The following IPO11 variants were observed in gnomAD, a reference collection of about 807,000 sequenced individuals.
IPO11 encodes importin 11.
IPO11 carries 66 observed loss-of-function variants against 143.2 expected under a neutral mutation model. That is an observed-to-expected ratio of 0.46 (90% CI 0.38 to 0.57). IPO11 has a LOEUF of 0.57. Among genes scored for constraint, IPO11 ranks in the 20% least tolerant of loss-of-function variants. IPO11 has a pLI of 0.00. For synonymous variants in IPO11, 385 were observed against 377.8 expected, an observed-to-expected ratio of 1.02 and a Z score of -0.22; for missense variants, 1,026 against 1,141.0, an observed-to-expected ratio of 0.90 and a Z score of 1.45.
chr5:62,627,102 G>A, intron 29 of IPO11, 52 bp from the exon 30 acceptor site: 1 of 1,521,070 alleles, frequency 6.6e-7, no homozygotes, highest in East Asian at 2.3e-5. Context: ...TTGCAGGTAG[G>A]AGAGACTTGT....
intron 9 of IPO11, among the ~76,000 whole-genome samples, chr5:62,476,954 G>A (rs1424455069): frequency 6.6e-6 from 1 of 152,160 alleles, no homozygotes; most frequent in African/African-American, 2.4e-5. Flanking sequence ...ATGTGTCATA[G>A]TGTAAGTCAC....
At chr5:62,596,181 A>G (rs1265274868) in intron 28 of IPO11, among the ~76,000 whole-genome samples, 2 of 146,772 alleles carry the variant, frequency 1.4e-5, no homozygotes, top group African/African-American at 5.1e-5. Context: ...AGGTGGGAAG[A>G]TTGCTTGAGC....
chr5:62,605,096 G>C (rs896418739), intron 29 of IPO11, among the ~76,000 whole-genome samples: 13 of 152,070 alleles, frequency 8.5e-5, no homozygotes, highest in African/African-American at 2.9e-4. Context: ...ATTAGCAAAG[G>C]CTTTTCTCAT....
intron 27 of IPO11, among the ~76,000 whole-genome samples, chr5:62,578,311 A>G (rs1455241329): frequency 6.6e-6 from 1 of 152,208 alleles, no homozygotes; most frequent in East Asian, 1.9e-4. Context: ...ATAATATAAC[A>G]ACATTTATGT....
chr5:62,428,671 A>T (rs1203341641), intron 1 of IPO11, among the ~76,000 whole-genome samples: 13 of 148,172 alleles, frequency 8.8e-5, no homozygotes, highest in Non-Finnish European at 1.5e-5. Context: ...GATTGAAAAC[A>T]TTTTTTTTTT....
At chr5:62,535,881 T>C (rs1026089905) in intron 22 of IPO11, among the ~76,000 whole-genome samples, 1 of 152,162 alleles carries the variant, frequency 6.6e-6, no homozygotes, top group South Asian at 2.1e-4. Flanking sequence ...ATCGATGATA[T>C]TTTGGGGTCA....
At chr5:62,597,759 C>T (rs1481284953) in intron 28 of IPO11, among the ~76,000 whole-genome samples, 4 of 152,146 alleles carry the variant, frequency 2.6e-5, no homozygotes, top group Non-Finnish European at 4.4e-5. Flanking sequence ...AGTTGTCATG[C>T]CCTGAGCCCA....
chr5:62,600,583 T>A (rs1745470804), intron 28 of IPO11, among the ~76,000 whole-genome samples: 2 of 152,222 alleles, frequency 1.3e-5, no homozygotes, highest in South Asian at 4.1e-4. Context: ...TAGACCTTTT[T>A]AAGACACTTC....
rs1226593063 is a variant in IPO11 at position 62,439,284 on chromosome 5, GTTTTTTTT to G, written c.138+1883_138+1890del. On this transcript the variant is annotated intron_variant, in intron 2 of 29. Coordinates refer to ENST00000325324, the MANE Select transcript of IPO11 (RefSeq NM_016338.5). ...CTTATTAATAATACTAACTGCGTAG[GTTTTTTTT>G]TTTTTTTTTTTTTTTGAGACGTCTC... Among the ~76,000 whole-genome samples the G allele has an allele frequency of 5.5e-5, 5 of 90,940 alleles. No homozygotes were observed. In the East Asian group the frequency reaches 1.3e-3, roughly 24 times the overall value. 59.7% of individuals were successfully genotyped at this position (90,940 alleles called of 152,430 possible).
At chr5:62,443,722 A>G (rs549599104) in intron 3 of IPO11, among the ~76,000 whole-genome samples, 8 of 152,188 alleles carry the variant, frequency 5.3e-5, no homozygotes, top group African/African-American at 1.9e-4. Context: ...TTCTTTCTCT[A>G]TGGTGGGAAT....
At chr5:62,513,677 C>T (rs543283417) in intron 19 of IPO11, among the ~76,000 whole-genome samples, 56 of 135,266 alleles carry the variant, frequency 4.1e-4, no homozygotes, top group African/African-American at 1.0e-3. Context: ...GGCGGTTGGC[C>T]GGGCGGGGGG....
chr5:62,598,430 TTCTCTCTCTCTCTCTCTCTCTCTCTCTC>T (rs1323743350), intron 28 of IPO11, among the ~76,000 whole-genome samples: 23 of 7,156 alleles, frequency 3.2e-3, no homozygotes, highest in Middle Eastern at 0.042. Context: ...CTTTCTTTCT[TTCTCTCTCTCTCTCTCTCTCTCTCTCTC>T]TCTCTCTCTC....
In IPO11 at chr5:62,483,310, C is replaced by A. The variant is rs1236741182; in HGVS notation, c.1021+17C>A. 1.4e-6 allele frequency: 2 copies of A among 1,424,950 alleles called. No individual in the cohort carries two copies. The highest frequency in any genetic ancestry group is 1.9e-4 in the Middle Eastern group (1 of 5,302). 88.3% of individuals were successfully genotyped at this position (1,424,950 alleles called of 1,614,324 possible). On this transcript the variant is annotated intron_variant, in intron 10 of 29. Coordinates refer to ENST00000325324, the MANE Select transcript of IPO11 (RefSeq NM_016338.5). ...ATTTTGAAGGTAATTCCTTTATTGG[C>A]AGTTTAAAAGAATTATTTTAATCTT...
intron 28 of IPO11, among the ~76,000 whole-genome samples, chr5:62,598,365 C>A (rs1372024236): frequency 2.0e-5 from 3 of 149,824 alleles, no homozygotes; most frequent in Non-Finnish European, 3.0e-5. Context: ...TGTGAAACGA[C>A]CCATAAATTG....
intron 28 of IPO11, among the ~76,000 whole-genome samples, chr5:62,597,138 T>C (rs1480659123): frequency 1.3e-5 from 2 of 152,244 alleles, no homozygotes; most frequent in African/African-American, 2.4e-5. Flanking sequence ...AAGCACATGC[T>C]CATTATAACA....
At chr5:62,539,781 A>G (rs891800875) in intron 24 of IPO11, among the ~76,000 whole-genome samples, 1 of 152,244 alleles carries the variant, frequency 6.6e-6, no homozygotes, top group Non-Finnish European at 1.5e-5. Context: ...TGCCTTTATT[A>G]AACTGACACA....
At chr5:62,481,990 AT>A (rs1276942104) in intron 9 of IPO11, among the ~76,000 whole-genome samples, 2 of 152,144 alleles carry the variant, frequency 1.3e-5, no homozygotes, top group Non-Finnish European at 2.9e-5. Flanking sequence ...CTCTTCAGAG[AT>A]TCAGCTTCTA....
intron 1 of IPO11, among the ~76,000 whole-genome samples, chr5:62,426,622 A>G (rs543407271): frequency 2.6e-5 from 4 of 152,260 alleles, no homozygotes; most frequent in East Asian, 1.9e-4. Flanking sequence ...ATTTAAGCAG[A>G]TGTAAAATGA....
chr5:62,484,271 A>G (rs1210858691), intron 11 of IPO11, 109 bp downstream of exon 11: 2 of 888,950 alleles, frequency 2.2e-6, no homozygotes, highest in East Asian at 6.1e-5. Flanking sequence ...TTGATCTGGA[A>G]ATCTTGGTGT....
Sources: gnomAD v4.1 joint callset for allele counts (sites outside exome capture counted in the v4.1 genomes callset) on GRCh38, gnomAD v4.1.1 for gene constraint, MANE v1.5 for transcripts, NCBI Gene and HGNC (gene_info 2026-07-23, HGNC 2026-07-21) for gene names.